Variants in DOCK4 observed in about 807,000 individuals in gnomAD.
The protein encoded by DOCK4 is dedicator of cytokinesis 4.
A neutral mutation model predicts 268.1 loss-of-function variants in DOCK4; 97 were observed. The ratio of observed to expected loss-of-function variants is 0.36; its 90% CI spans 0.31 to 0.43. The LOEUF (loss-of-function observed/expected upper bound fraction) is 0.43. DOCK4 is among the 20% of genes least tolerant of loss of function. The probability of loss-of-function intolerance (pLI) is 1.00; values close to 1 mark genes in which losing one functional copy is unlikely to be tolerated. For missense variants in DOCK4, 2,145 were observed against 2,455.7 expected (o/e 0.87, Z 2.67); for synonymous variants, 954 against 887.2 (o/e 1.08, Z -1.34).
intron 15 of DOCK4, among the ~76,000 whole-genome samples, chr7:111,895,945 A>C (rs1808711654): frequency 6.6e-6 from 1 of 152,168 alleles, no homozygotes; most frequent in African/African-American, 2.4e-5. Context: ...CTTTATGGGA[A>C]TCACTATCTG....
At chr7:112,181,562 C>T (rs1373072963) in intron 1 of DOCK4, among the ~76,000 whole-genome samples, 1 of 145,642 alleles carries the variant, frequency 6.9e-6, no homozygotes, top group African/African-American at 2.6e-5. Flanking sequence ...ACTGCTTGAG[C>T]CCAGGAGTTC....
intron 1 of DOCK4, among the ~76,000 whole-genome samples, chr7:112,026,820 C>G (rs192249103): frequency 1.3e-5 from 2 of 152,300 alleles, no homozygotes; most frequent in Non-Finnish European, 2.9e-5. Context: ...CACTCCTGCT[C>G]TCCAACTTCC....
intron 4 of DOCK4, among the ~76,000 whole-genome samples, chr7:111,997,531 A>G (rs150828541): frequency 6.6e-6 from 1 of 152,182 alleles, no homozygotes; most frequent in Non-Finnish European, 1.5e-5. Context: ...ATTTAATATC[A>G]TATCTTTATT....
intron 5 of DOCK4, among the ~76,000 whole-genome samples, chr7:111,990,570 T>C (rs1408670096): frequency 6.6e-6 from 1 of 152,216 alleles, no homozygotes; most frequent in Non-Finnish European, 1.5e-5. Flanking sequence ...ATTTTTCACA[T>C]GATGTGCAGG....
intron 1 of DOCK4, among the ~76,000 whole-genome samples, chr7:112,111,988 T>C (rs541291160): frequency 6.6e-6 from 1 of 152,316 alleles, no homozygotes; most frequent in African/African-American, 2.4e-5. Flanking sequence ...CACACAACTG[T>C]ACCAACACCT....
intron 1 of DOCK4, among the ~76,000 whole-genome samples, chr7:112,034,608 C>T (rs1304615734): frequency 6.6e-6 from 1 of 152,120 alleles, no homozygotes; most frequent in African/African-American, 2.4e-5. Context: ...CTAGGGTATT[C>T]AAAAAATTTT....
intron 4 of DOCK4, among the ~76,000 whole-genome samples, chr7:111,995,413 T>TTGTG (rs71529492): frequency 2.2e-3 from 261 of 116,982 alleles, no homozygotes; most frequent in Non-Finnish European, 3.0e-3. Context: ...AATTCTTTCT[T>TTGTG]TGTGTGTGTG....
intron 1 of DOCK4, among the ~76,000 whole-genome samples, chr7:112,013,658 C>G (rs188361305): frequency 2.2e-4 from 33 of 152,318 alleles, no homozygotes; most frequent in East Asian, 1.3e-3. Flanking sequence ...GCATCCTCCT[C>G]GGTCACACGT....
intron 5 of DOCK4, among the ~76,000 whole-genome samples, 165 bp from the exon 6 acceptor site, chr7:111,989,328 A>G (rs1306536077): frequency 6.6e-6 from 1 of 152,140 alleles, no homozygotes; most frequent in Non-Finnish European, 1.5e-5. Context: ...ATCCTCAAAC[A>G]CACTCGCTGC....
chr7:111,845,994 T>C (rs1485807899), intron 24 of DOCK4, among the ~76,000 whole-genome samples: 3 of 152,122 alleles, frequency 2.0e-5, no homozygotes, highest in Non-Finnish European at 4.4e-5. Flanking sequence ...GCCTGGATCA[T>C]GGGGGTGGGA....
rs575444468 is a variant in DOCK4, at chr7:111,768,900, A to AC, written c.3828+628dup. ...GACAAATTCATATGTTGAAATCCTA[A>AC]CCCCCAGGGTAATGGTATTAGGAAA... is the stretch of plus-strand genomic sequence containing the variant. On this transcript the variant is annotated intron_variant, in intron 37 of 52. Coordinates refer to ENST00000428084, the MANE Select transcript of DOCK4 (RefSeq NM_001363540.2). Among the ~76,000 whole-genome samples the AC allele has an allele frequency of 5.3e-5, 8 of 152,242 alleles. No homozygotes were observed. The South Asian group carries it at 1.5e-3, about 28-fold the overall frequency.
chr7:111,977,086 C>T, intron 8 of DOCK4, 46 bp downstream of exon 8: 1 of 1,597,018 alleles, frequency 6.3e-7, no homozygotes, highest in Non-Finnish European at 8.5e-7. Flanking sequence ...AAATATCCAC[C>T]ATTCTAACAT....
intron 1 of DOCK4, among the ~76,000 whole-genome samples, chr7:112,163,823 T>C (rs1817352964): frequency 6.6e-6 from 1 of 152,148 alleles, no homozygotes; most frequent in Non-Finnish European, 1.5e-5. Flanking sequence ...CTTTATGCCA[T>C]GGAAAAATTC....
intron 1 of DOCK4, among the ~76,000 whole-genome samples, chr7:112,142,284 T>G (rs1289714716): frequency 6.6e-6 from 1 of 152,176 alleles, no homozygotes; most frequent in Non-Finnish European, 1.5e-5. Flanking sequence ...ATTGCACACC[T>G]TTTCTAGGAT....
intron 30 of DOCK4, among the ~76,000 whole-genome samples, chr7:111,803,751 A>C (rs1255037474): frequency 1.3e-5 from 2 of 152,190 alleles, no homozygotes; most frequent in Non-Finnish European, 2.9e-5. Flanking sequence ...TTCCTCTGCC[A>C]CGGCTCTTGA....
chr7:111,790,415 G>A, intron 31 of DOCK4, 42 bp downstream of exon 31: 1 of 1,603,046 alleles, frequency 6.2e-7, no homozygotes, highest in Non-Finnish European at 8.5e-7. Flanking sequence ...CTTCAGGAGA[G>A]CTGAAACTCT....
chr7:112,193,205 G>A (rs1820131536), intron 1 of DOCK4, among the ~76,000 whole-genome samples: 1 of 152,300 alleles, frequency 6.6e-6, no homozygotes, highest in African/African-American at 2.4e-5. Context: ...GGCACCCAAA[G>A]TGATGTGACA....
intron 44 of DOCK4, 34 bp from the exon 45 acceptor site, chr7:111,742,166 C>A: frequency 6.5e-7 from 1 of 1,534,962 alleles, no homozygotes; most frequent in Non-Finnish European, 8.7e-7. Context: ...AACCTCACAT[C>A]AATGACTACC....
In DOCK4 at chr7:112,000,421, T is replaced by A; in HGVS notation, c.162+73A>T. 3 of 999,772 alleles carry A rather than the reference T, an allele frequency of 3.0e-6. No homozygotes were observed. The South Asian group carries it at 5.1e-5, about 17-fold the overall frequency. The allele number at this position is 999,772 out of a possible 1,614,324, so 61.9% of individuals were successfully genotyped here. A position where few individuals can be genotyped will look rare whatever the true frequency, so the allele number is the denominator to read the frequency against. On this transcript the variant is annotated intron_variant, in intron 3 of 52. Coordinates refer to ENST00000428084, the MANE Select transcript of DOCK4 (RefSeq NM_001363540.2). Reference sequence around the variant, plus strand: ...TGAGTCCCAACTGTAATTTCAATTGTATAAAGAAATAATTTAAATAACTAT... The same window carrying A: ...TGAGTCCCAACTGTAATTTCAATTGAATAAAGAAATAATTTAAATAACTAT...
Sources: gnomAD v4.1 joint callset for allele counts (sites outside exome capture counted in the v4.1 genomes callset) on GRCh38, gnomAD v4.1.1 for gene constraint, MANE v1.5 for transcripts, NCBI Gene and HGNC (gene_info 2026-07-23, HGNC 2026-07-21) for gene names.